The following PIK3C2A variants were observed in gnomAD, a reference collection of about 807,000 sequenced individuals.
The protein encoded by PIK3C2A is phosphatidylinositol 4-phosphate 3-kinase C2 domain-containing subunit alpha.
A neutral mutation model predicts 204.5 loss-of-function variants in PIK3C2A; 97 were observed. The observed-to-expected ratio is 0.47, with a 90% CI of 0.40 to 0.56. The LOEUF (loss-of-function observed/expected upper bound fraction) is 0.56. Ranked by LOEUF, PIK3C2A falls within the 20% of genes least tolerant of loss-of-function variation. The pLI is 0.00. For missense variants in PIK3C2A, 1,735 were observed against 1,969.2 expected, an observed-to-expected ratio of 0.88 and a Z score of 2.25; for synonymous variants, 653 against 664.4, an observed-to-expected ratio of 0.98 and a Z score of 0.26.
intron 13 of PIK3C2A, among the ~76,000 whole-genome samples, chr11:17,125,254 T>C (rs746699161): frequency 2.6e-5 from 4 of 152,098 alleles, no homozygotes; most frequent in Non-Finnish European, 4.4e-5. Context: ...TGATTTTCCT[T>C]CCAGCAGACA....
intron 1 of PIK3C2A, among the ~76,000 whole-genome samples, chr11:17,199,604 C>T (rs74624804): frequency 0.013 from 2,006 of 152,300 alleles, 56 homozygotes; most frequent in African/African-American, 0.044. Context: ...AAATATTACA[C>T]GATTCCAATC....
intron 26 of PIK3C2A, 134 bp downstream of exon 26, chr11:17,099,726 A>G (rs1301479031): frequency 3.9e-6 from 2 of 514,522 alleles, no homozygotes; most frequent in African/African-American, 3.9e-5. Flanking sequence ...ACAGCCTACT[A>G]TGTGCAATTA....
At chr11:17,205,428 C>T (rs1852533211) in intron 1 of PIK3C2A, among the ~76,000 whole-genome samples, 1 of 136,202 alleles carries the variant, frequency 7.3e-6, no homozygotes. Context: ...GAGCCAAGAT[C>T]GTGCCACTGC....
intron 24 of PIK3C2A, among the ~76,000 whole-genome samples, chr11:17,102,233 G>A (rs905774437): frequency 1.2e-4 from 18 of 152,154 alleles, no homozygotes; most frequent in Middle Eastern, 3.4e-3. Flanking sequence ...TCAGGAGATC[G>A]AGACCATCCT....
In PIK3C2A at chr11:17,124,507, G is replaced by A. The variant is rs139847730; in HGVS notation, c.2400-1694C>T. Among the ~76,000 whole-genome samples, 1,316 of 149,716 alleles carry A rather than the reference G, an allele frequency of 8.8e-3. 20 individuals are homozygous for A. Among genetic ancestry groups the A allele is most frequent in the Non-Finnish European group, 0.012 (823 of 67,780 alleles). ...GTCTTGTTCTGTCGCCCAGGCTGAA[G>A]TGCAGTGGCACAATACATTTGGATG... On this transcript the variant is annotated intron_variant, in intron 13 of 32. Transcript: ENST00000691414.
At chr11:17,108,626 AAG>A (rs1285522150) in intron 22 of PIK3C2A, among the ~76,000 whole-genome samples, 1 of 152,290 alleles carries the variant, frequency 6.6e-6, no homozygotes, top group African/African-American at 2.4e-5. Flanking sequence ...TCTCTGAAAA[AAG>A]AAAGAAAACA....
At chr11:17,134,303 C>T (rs898133567) in intron 11 of PIK3C2A, among the ~76,000 whole-genome samples, 4 of 151,912 alleles carry the variant, frequency 2.6e-5, no homozygotes, top group African/African-American at 7.2e-5. Context: ...TTTCCTGGCT[C>T]GAGCAATACT....
Position 17,148,774 on chromosome 11 carries a change from T to C in PIK3C2A, c.1341A>G (p.Val447=). 2 of 1,611,682 alleles carry C rather than the reference T, an allele frequency of 1.2e-6. No homozygotes were observed. The highest frequency in any genetic ancestry group is 1.7e-6 in the Non-Finnish European group (2 of 1,178,148). ...VTFTCDVSST[V]EIIIMQALCW... ...AAAGGGCTTGCATTATAATGATTTC[T>C]ACAGTAGAACTCACTGTAAAAGAGT... Residue 447 remains valine (V), a synonymous_variant, in exon 5 of 33, where the codon GTA becomes GTG. Transcript: ENST00000691414.
chr11:17,137,906 A>T, intron 8 of PIK3C2A: 1 of 393,226 alleles, frequency 2.5e-6, no homozygotes, highest in South Asian at 2.4e-5. Context: ...GACACTTCCC[A>T]TCTGGGTTCC....
chr11:17,103,321 C>G (rs1052189053), intron 23 of PIK3C2A, among the ~76,000 whole-genome samples: 1 of 152,010 alleles, frequency 6.6e-6, no homozygotes, highest in Non-Finnish European at 1.5e-5. Context: ...TGGTGATTCC[C>G]TGTGTGTCAT....
chr11:17,147,668 T>G (rs569278642), intron 5 of PIK3C2A, 40 bp from the exon 6 acceptor site: 2 of 1,101,074 alleles, frequency 1.8e-6, no homozygotes, highest in African/African-American at 3.2e-5. Flanking sequence ...CTATTCAAAT[T>G]AGAAATTATA....
intron 18 of PIK3C2A, among the ~76,000 whole-genome samples, chr11:17,118,099 T>TTTTC: frequency 7.0e-6 from 1 of 143,258 alleles, no homozygotes; most frequent in Non-Finnish European, 1.5e-5. Context: ...TGAGACCAGG[T>TTTTC]CTGGCTCTGT....
chr11:17,091,306 G>T (rs752148105), intron 32 of PIK3C2A, 28 bp downstream of exon 32: 39 of 1,580,934 alleles, frequency 2.5e-5, no homozygotes, highest in Non-Finnish European at 3.2e-5. Flanking sequence ...ATAAACCAAG[G>T]AAACTTCTAG....
At chr11:17,153,229 C>T (rs1451061233) in intron 3 of PIK3C2A, among the ~76,000 whole-genome samples, 1 of 151,972 alleles carries the variant, frequency 6.6e-6, no homozygotes, top group East Asian at 1.9e-4. Context: ...GTCAGGAGTT[C>T]AAGACCAGCT....
chr11:17,203,532 C>T (rs1475901663), intron 1 of PIK3C2A, among the ~76,000 whole-genome samples: 1 of 152,116 alleles, frequency 6.6e-6, no homozygotes, highest in Non-Finnish European at 1.5e-5. Flanking sequence ...GCAAGTATGA[C>T]CATAATTCTC....
In PIK3C2A at chr11:17,122,031, A is replaced by G. The variant is rs557908964; in HGVS notation, c.2657+157T>C. ...AGACAAAAGTTTTGTAGATTATTAAAAAAAAAAAAAAGGAAAAAAAGTAAG... is the reference window on the plus strand; with the variant it reads ...AGACAAAAGTTTTGTAGATTATTAAGAAAAAAAAAAAGGAAAAAAAGTAAG... On this transcript the variant is annotated intron_variant, in intron 15 of 32. Transcript: ENST00000691414. Among the ~76,000 whole-genome samples the G allele has an allele frequency of 6.6e-5, 10 of 150,966 alleles. No individual in the cohort carries two copies. In the East Asian group the frequency reaches 1.5e-3, roughly 23 times the overall value.
intron 13 of PIK3C2A, among the ~76,000 whole-genome samples, chr11:17,123,542 G>A (rs565270971): frequency 6.7e-6 from 1 of 150,316 alleles, no homozygotes; most frequent in African/African-American, 2.5e-5. Flanking sequence ...TTACAGGCAT[G>A]AGCCACCGCA....
intron 28 of PIK3C2A, 42 bp from the exon 29 acceptor site, chr11:17,092,318 C>T (rs1848333393): frequency 3.5e-6 from 3 of 854,088 alleles, no homozygotes; most frequent in Non-Finnish European, 6.0e-6. Context: ...TAAATAAGTA[C>T]AATATTTCCT....
intron 8 of PIK3C2A, 65 bp from the exon 9 acceptor site, chr11:17,136,690 A>G: frequency 1.2e-6 from 1 of 868,286 alleles, no homozygotes; most frequent in South Asian, 1.7e-5. Context: ...TCCAGAGACG[A>G]AGTCAGAAAC....
Sources: gnomAD v4.1 joint callset for allele counts (sites outside exome capture counted in the v4.1 genomes callset) on GRCh38, gnomAD v4.1.1 for gene constraint, MANE v1.5 for transcripts, NCBI Gene and HGNC (gene_info 2026-07-23, HGNC 2026-07-21) for gene names.